The following CADPS variants were observed in gnomAD, a reference collection of about 807,000 sequenced individuals.
CADPS encodes the protein calcium dependent secretion activator, also known as calcium-dependent secretion activator 1.
In CADPS, 57 loss-of-function variants were observed where a neutral mutation model predicts 167.3. The observed-to-expected ratio is 0.34, with a 90% CI of 0.28 to 0.42. CADPS has a LOEUF of 0.42. Among genes scored for constraint, CADPS ranks in the 20% least tolerant of loss-of-function variants. The pLI is 1.00. For missense variants in CADPS, 1,414 were observed against 1,738.1 expected, an observed-to-expected ratio of 0.81 and a Z score of 3.32; for synonymous variants, 676 against 635.3, an observed-to-expected ratio of 1.06 and a Z score of -0.96.
chr3:62,403,052 C>T, intron 29 of CADPS, 29 bp downstream of exon 29: 1 of 1,398,576 alleles, frequency 7.2e-7, no homozygotes, highest in South Asian at 1.2e-5. Context: ...AAGCTATTTG[C>T]AAAGAAGAAT....
intron 4 of CADPS, among the ~76,000 whole-genome samples, chr3:62,660,090 A>C (rs955363147): frequency 6.6e-6 from 1 of 152,152 alleles, no homozygotes; most frequent in African/African-American, 2.4e-5. Context: ...TTGATTTACT[A>C]TTCAGAGATG....
At chr3:62,759,847 C>T (rs2084955929) in intron 2 of CADPS, among the ~76,000 whole-genome samples, 1 of 152,090 alleles carries the variant, frequency 6.6e-6, no homozygotes, top group Non-Finnish European at 1.5e-5. Context: ...TCATTTGAAA[C>T]ACATCTTTTC....
At chr3:62,847,411 A>C (rs2077681173) in intron 1 of CADPS, among the ~76,000 whole-genome samples, 6 of 59,094 alleles carry the variant, frequency 1.0e-4, no homozygotes, top group Non-Finnish European at 1.6e-4. Flanking sequence ...TATATCTCCC[A>C]ATGCTATCCC....
chr3:62,667,238 G>T (rs1040918969), intron 3 of CADPS, among the ~76,000 whole-genome samples: 1 of 152,082 alleles, frequency 6.6e-6, no homozygotes, highest in Non-Finnish European at 1.5e-5. Context: ...GTTTAGCAAA[G>T]TTTATAGAGT....
chr3:62,823,557 A>G (rs2073420950), intron 1 of CADPS, among the ~76,000 whole-genome samples: 1 of 152,224 alleles, frequency 6.6e-6, no homozygotes, highest in Admixed American at 6.5e-5. Context: ...AGCTAACAGC[A>G]GACTTCAAAG....
chr3:62,546,835 T>C (rs1365799255), intron 11 of CADPS, among the ~76,000 whole-genome samples: 1 of 152,162 alleles, frequency 6.6e-6, no homozygotes, highest in East Asian at 1.9e-4. Context: ...ATAAAGGGGA[T>C]TTGAAAATTC....
In CADPS at chr3:62,624,546, T is replaced by C. The variant is rs529300949; in HGVS notation, c.1325+21176A>G. 6.7e-5 allele frequency among the ~76,000 whole-genome samples: 10 copies of C among 148,954 alleles called. No individual in the cohort carries two copies. The East Asian group carries it at 7.9e-4, about 12-fold the overall frequency. The stretch of plus-strand genomic sequence containing the variant: ...TGTCTCCAGTCTCTTAAAGAATCAC[T>C]GGAAAAAAAAAAATCTCTGGTTAAG... On this transcript the variant is annotated intron_variant, in intron 6 of 29. Transcript: ENST00000383710.
chr3:62,562,175 G>C (rs917650169), intron 9 of CADPS, among the ~76,000 whole-genome samples: 1 of 152,164 alleles, frequency 6.6e-6, no homozygotes, highest in African/African-American at 2.4e-5. Flanking sequence ...GACGGATTGA[G>C]CCAAAATCTG....
At chr3:62,698,707 CTCCTT>C (rs888165473) in intron 3 of CADPS, among the ~76,000 whole-genome samples, 1 of 146,014 alleles carries the variant, frequency 6.8e-6, no homozygotes, top group Non-Finnish European at 1.5e-5. Flanking sequence ...CCTTCTTCCT[CTCCTT>C]TCCTTTCCTC....
chr3:62,541,117 A>G (rs1195069565), intron 11 of CADPS, among the ~76,000 whole-genome samples: 1 of 152,172 alleles, frequency 6.6e-6, no homozygotes, highest in Non-Finnish European at 1.5e-5. Flanking sequence ...TGGGAGATGC[A>G]TCCTAATGCT....
At chr3:62,657,992 T>C (rs757245050) in intron 4 of CADPS, among the ~76,000 whole-genome samples, 2 of 152,154 alleles carry the variant, frequency 1.3e-5, no homozygotes, top group Non-Finnish European at 2.9e-5. Context: ...GGCTTCTGGA[T>C]AAGCTGCAGG....
chr3:62,439,378 A>G (rs1008718230), intron 27 of CADPS: 53 of 152,150 alleles, frequency 3.5e-4, no homozygotes, highest in African/African-American at 1.3e-3. Flanking sequence ...GGCCCCTGGG[A>G]TGCTAGTAAC....
At chr3:62,598,385 C>T (rs719589) in intron 6 of CADPS, among the ~76,000 whole-genome samples, 19,070 of 152,160 alleles carry the variant, frequency 0.13, 1,639 homozygotes, top group South Asian at 0.23. Flanking sequence ...GTCAATGCTT[C>T]CTACTCTTAG....
chr3:62,715,848 C>T (rs1485248120), intron 3 of CADPS, among the ~76,000 whole-genome samples: 1 of 88,132 alleles, frequency 1.1e-5, no homozygotes, highest in African/African-American at 3.5e-5. Context: ...GCTCCGCCTC[C>T]CGGGTTCATG....
chr3:62,530,789 C>A, intron 13 of CADPS: 1 of 1,283,316 alleles, frequency 7.8e-7, no homozygotes, highest in African/African-American at 1.5e-5. Flanking sequence ...TGGCAGCCCA[C>A]TAAGGTACAC....
At chr3:62,834,617 G>C (rs1205690634) in intron 1 of CADPS, among the ~76,000 whole-genome samples, 1 of 152,152 alleles carries the variant, frequency 6.6e-6, no homozygotes, top group Non-Finnish European at 1.5e-5. Context: ...ACTGTAGAGA[G>C]TTCCTGTGAG....
At chr3:62,558,814 A>G (rs1051077293) in intron 9 of CADPS, among the ~76,000 whole-genome samples, 2 of 152,238 alleles carry the variant, frequency 1.3e-5, no homozygotes, top group Non-Finnish European at 2.9e-5. Context: ...TAGGGTTTGC[A>G]GAACTTCTTC....
chr3:62,808,832 C>A (rs1464709910), intron 1 of CADPS, among the ~76,000 whole-genome samples: 1 of 152,126 alleles, frequency 6.6e-6, no homozygotes, highest in Admixed American at 6.6e-5. Flanking sequence ...ATGCCTCTAC[C>A]TGGATGGTGG....
intron 3 of CADPS, among the ~76,000 whole-genome samples, chr3:62,686,408 T>A (rs1272896533): frequency 6.6e-6 from 1 of 152,064 alleles, no homozygotes; most frequent in African/African-American, 2.4e-5. Flanking sequence ...CAGAAAGGCG[T>A]CTTTGGCCCC....
Sources: allele counts gnomAD v4.1 joint callset (sites outside exome capture counted in the v4.1 genomes callset), GRCh38; gene constraint gnomAD v4.1.1; transcripts MANE v1.5; gene names NCBI Gene and HGNC (gene_info 2026-07-23, HGNC 2026-07-21).